ARHGAP6: variants seen among roughly 807,000 people sequenced by gnomAD.
ARHGAP6 encodes rho GTPase-activating protein 6.
Under a neutral mutation model 55.7 loss-of-function variants are expected in ARHGAP6, and 16 were observed. That is an observed-to-expected ratio of 0.29 (90% CI 0.19 to 0.44). ARHGAP6 has a LOEUF of 0.44. ARHGAP6 is among the 20% of genes least tolerant of loss of function. The pLI, the probability that ARHGAP6 is intolerant of heterozygous loss-of-function variation, is 1.00. For missense variants in ARHGAP6, 698 were observed against 808.9 expected (o/e 0.86, Z 1.66); for synonymous variants, 382 against 360.9 (o/e 1.06, Z -0.66).
intron 5 of ARHGAP6, among the ~76,000 whole-genome samples, chrX:11,184,367 C>T (rs1228957100): frequency 8.9e-6 from 1 of 112,302 alleles, no homozygotes; most frequent in Non-Finnish European, 1.9e-5. Context: ...GGATGACAGG[C>T]GTGAGCCACG....
chrX:11,210,558 T>C (rs149904000), intron 2 of ARHGAP6, among the ~76,000 whole-genome samples: 61 of 112,767 alleles, frequency 5.4e-4, no homozygotes, highest in African/African-American at 1.9e-3. Flanking sequence ...CTTGACATTT[T>C]GTTGGCTTAG....
At chrX:11,393,784 C>G (rs1437191213) in intron 1 of ARHGAP6, among the ~76,000 whole-genome samples, 1 of 111,620 alleles carries the variant, frequency 9.0e-6, no homozygotes, top group South Asian at 3.8e-4. Context: ...AGAGCTGTCT[C>G]AGCCCAGAGC....
intron 1 of ARHGAP6, among the ~76,000 whole-genome samples, chrX:11,646,406 C>T (rs1291206649): frequency 9.0e-6 from 1 of 111,483 alleles, no homozygotes; most frequent in Non-Finnish European, 1.9e-5. Context: ...TTGCCTAGAA[C>T]AGGAGACAAG....
intron 1 of ARHGAP6, among the ~76,000 whole-genome samples, chrX:11,306,872 C>T (rs1282162742): frequency 8.9e-6 from 1 of 111,925 alleles, no homozygotes; most frequent in Admixed American, 9.4e-5. Flanking sequence ...TCATTAAATG[C>T]TCTGTAGTTG....
chrX:11,239,467 G>A (rs1298901621), intron 2 of ARHGAP6, among the ~76,000 whole-genome samples: 9 of 110,852 alleles, frequency 8.1e-5, no homozygotes, highest in Non-Finnish European at 1.5e-4. Context: ...TCCTTGATCT[G>A]AAAGAAAACA....
chrX:11,281,203 A>G (rs2047850867), intron 1 of ARHGAP6, among the ~76,000 whole-genome samples: 1 of 111,175 alleles, frequency 9.0e-6, no homozygotes, highest in South Asian at 3.8e-4. Flanking sequence ...AATGTAATCT[A>G]TAAAACCAGA....
At chrX:11,599,064 C>A (rs753267275) in intron 1 of ARHGAP6, among the ~76,000 whole-genome samples, 31 of 110,728 alleles carry the variant, frequency 2.8e-4, no homozygotes, top group Admixed American at 5.8e-4. Flanking sequence ...TCTCCAAATA[C>A]ATAAATAAAT....
At chrX:11,573,547 CTCTGTTTTGGTACCAGTACCA>C (rs2051556563) in intron 1 of ARHGAP6, among the ~76,000 whole-genome samples, 1 of 109,488 alleles carries the variant, frequency 9.1e-6, no homozygotes, top group Non-Finnish European at 1.9e-5. Flanking sequence ...TGATCTATAT[CTCTGTTTTGGTACCAGTACCA>C]TGCTGTTTTG....
chrX:11,486,027 C>T lies in ARHGAP6; in HGVS notation c.588+178214G>A, dbSNP rs187821333. 1.5e-3 allele frequency among the ~76,000 whole-genome samples: 164 copies of T among 111,703 alleles called. 1 individual carries two copies. Among genetic ancestry groups the T allele is most frequent in the Non-Finnish European group, 1.7e-3 (89 of 53,147 alleles). ...TTTGATCTCAGTATATAGAAATCAC[C>T]GGTAGGCATATGATTAAGTCTGCAC... On this transcript the variant is annotated intron_variant, in intron 1 of 12. Transcript: ENST00000337414.
intron 1 of ARHGAP6, among the ~76,000 whole-genome samples, chrX:11,342,521 C>T (rs1244301147): frequency 2.7e-5 from 3 of 111,639 alleles, no homozygotes; most frequent in Non-Finnish European, 3.8e-5. Flanking sequence ...TCTCATATAG[C>T]TATTTAAGTA....
At chrX:11,152,553 G>A in intron 10 of ARHGAP6, among the ~76,000 whole-genome samples, 1 of 111,519 alleles carries the variant, frequency 9.0e-6, no homozygotes, top group African/African-American at 3.3e-5. Context: ...CCTGGTGCAA[G>A]CTCCCCAAAT....
intron 1 of ARHGAP6, among the ~76,000 whole-genome samples, chrX:11,476,496 C>A (rs1325731770): frequency 9.0e-6 from 1 of 111,430 alleles, no homozygotes; most frequent in Non-Finnish European, 1.9e-5. Flanking sequence ...ACCAAGAACC[C>A]AGATTAGCCA....
intron 1 of ARHGAP6, among the ~76,000 whole-genome samples, chrX:11,451,307 G>A: frequency 9.0e-6 from 1 of 111,428 alleles, no homozygotes; most frequent in Non-Finnish European, 1.9e-5. Flanking sequence ...GGCCTATAAT[G>A]GAACTAAAAC....
chrX:11,158,244 C>T (rs1402420470), intron 9 of ARHGAP6, among the ~76,000 whole-genome samples: 3 of 111,816 alleles, frequency 2.7e-5, no homozygotes, highest in Non-Finnish European at 5.6e-5. Context: ...GCATGTGACT[C>T]CATCAGAGGC....
At position 11,296,881 on chromosome X, in the gene ARHGAP6, C is replaced by T. The variant is rs940032272; in HGVS notation, c.589-42174G>A. The T allele has an allele frequency of 2.6e-5, 30 of 1,153,988 alleles. No individual in the cohort carries two copies. In the African/African-American group the frequency reaches 4.3e-4, roughly 17 times the overall value. ...TTGTTTGCGTTAACAATGCCCTGGG[C>T]TCTGTAAAGAATAGTGTGTTGATTC... is the stretch of plus-strand genomic sequence containing the variant. On this transcript the variant is annotated intron_variant, in intron 1 of 12. Transcript: ENST00000337414.
At chrX:11,602,967 T>G (rs747592646) in intron 1 of ARHGAP6, among the ~76,000 whole-genome samples, 9 of 111,888 alleles carry the variant, frequency 8.0e-5, no homozygotes, top group South Asian at 3.7e-4. Context: ...CATTTAAAAA[T>G]CCCTAAAGAC....
At position 11,360,430 on chromosome X, in the gene ARHGAP6, G is replaced by C. The variant is rs868362414; in HGVS notation, c.589-105723C>G. Among the ~76,000 whole-genome samples, 633 of 109,521 alleles carry C rather than the reference G, an allele frequency of 5.8e-3. 5 individuals are homozygous for C. Among genetic ancestry groups the C allele is most frequent in the African/African-American group, 0.019 (570 of 29,754 alleles). On this transcript the variant is annotated intron_variant, in intron 1 of 12. Coordinates refer to ENST00000337414, the MANE Select transcript of ARHGAP6 (RefSeq NM_013427.3). Reference sequence around the variant, plus strand: ...CCACATGATTATCTCAATAGATGCAGAAAAGGCCTTTGACAAAATTCAACA... The same window carrying C: ...CCACATGATTATCTCAATAGATGCACAAAAGGCCTTTGACAAAATTCAACA...
chrX:11,645,750 A>G (rs2052519700), intron 1 of ARHGAP6, among the ~76,000 whole-genome samples: 1 of 111,541 alleles, frequency 9.0e-6, no homozygotes, highest in Middle Eastern at 4.6e-3. Context: ...GGAGAAGGAG[A>G]GGAGTAGGAA....
chrX:11,431,856 T>C (rs1317502899), intron 1 of ARHGAP6, among the ~76,000 whole-genome samples: 2 of 112,240 alleles, frequency 1.8e-5, no homozygotes, highest in African/African-American at 3.2e-5. Context: ...TCCATCCCAG[T>C]GGTAGACACT....
Sources: gnomAD v4.1 joint callset for allele counts (sites outside exome capture counted in the v4.1 genomes callset) on GRCh38, gnomAD v4.1.1 for gene constraint, MANE v1.5 for transcripts, NCBI Gene and HGNC (gene_info 2026-07-23, HGNC 2026-07-21) for gene names.